PARD3: variants seen among roughly 807,000 people sequenced by gnomAD.
The protein encoded by PARD3 is par-3 family cell polarity regulator.
Under a neutral mutation model 155.4 loss-of-function variants are expected in PARD3, and 75 were observed. That is an observed-to-expected ratio of 0.48 (90% CI 0.40 to 0.58). The LOEUF (loss-of-function observed/expected upper bound fraction) is 0.58. Ranked by LOEUF, PARD3 falls within the 20% of genes least tolerant of loss-of-function variation. The probability of loss-of-function intolerance (pLI) is 0.00; values close to 1 mark genes in which losing one functional copy is unlikely to be tolerated. For synonymous variants in PARD3, 576 were observed against 610.5 expected (o/e 0.94, Z 0.83); for missense variants, 1,642 against 1,721.7 (o/e 0.95, Z 0.82).
chr10:34,802,907 C>T (rs186242515), intron 1 of PARD3, among the ~76,000 whole-genome samples: 1 of 151,982 alleles, frequency 6.6e-6, no homozygotes, highest in East Asian at 1.9e-4. Flanking sequence ...CAGACAACAA[C>T]CCCACAAAGC....
At chr10:34,414,584 G>A (rs916626365) in intron 5 of PARD3, among the ~76,000 whole-genome samples, 1 of 151,794 alleles carries the variant, frequency 6.6e-6, no homozygotes, top group African/African-American at 2.4e-5. Context: ...GGGAGGCCAA[G>A]ATGGGCCAAT....
chr10:34,210,434 C>T (rs1448732697), intron 22 of PARD3, among the ~76,000 whole-genome samples: 4 of 152,076 alleles, frequency 2.6e-5, no homozygotes, highest in East Asian at 1.9e-4. Context: ...GGCAGAGTGG[C>T]GATGGGGAGT....
chr10:34,622,835 T>A (rs562833647), intron 2 of PARD3, among the ~76,000 whole-genome samples: 1 of 147,532 alleles, frequency 6.8e-6, no homozygotes. Flanking sequence ...TTCTTTTTTT[T>A]TTTTTTTTTT....
chr10:34,289,038 C>T (rs1237997096), intron 20 of PARD3, among the ~76,000 whole-genome samples: 2 of 152,148 alleles, frequency 1.3e-5, no homozygotes, highest in Non-Finnish European at 2.9e-5. Flanking sequence ...CCAATCTCAG[C>T]TCACTGCAAC....
chr10:34,715,670 A>C (rs1390123386), intron 1 of PARD3, among the ~76,000 whole-genome samples: 1 of 152,190 alleles, frequency 6.6e-6, no homozygotes, highest in South Asian at 2.1e-4. Flanking sequence ...TGCATGTTTT[A>C]CCGTTTATCA....
intron 2 of PARD3, among the ~76,000 whole-genome samples, chr10:34,662,035 G>A (rs996984185): frequency 2.6e-5 from 4 of 152,190 alleles, no homozygotes; most frequent in African/African-American, 4.8e-5. Flanking sequence ...AGGCCTAACC[G>A]TGAAGGCTAC....
intron 20 of PARD3, among the ~76,000 whole-genome samples, chr10:34,288,206 G>A (rs544141475): frequency 3.3e-5 from 5 of 151,984 alleles, no homozygotes; most frequent in Non-Finnish European, 7.4e-5. Flanking sequence ...GTAAGACCTT[G>A]TCTCAAAAAA....
chr10:34,695,541 T>C (rs565830822), intron 2 of PARD3, among the ~76,000 whole-genome samples: 1 of 151,034 alleles, frequency 6.6e-6, no homozygotes, highest in Admixed American at 6.6e-5. Flanking sequence ...CTGTCACGCA[T>C]TCTCAAAACG....
chr10:34,524,595 T>C (rs1356319925), intron 2 of PARD3, among the ~76,000 whole-genome samples: 1 of 152,236 alleles, frequency 6.6e-6, no homozygotes, highest in East Asian at 1.9e-4. Flanking sequence ...CGTATAGCCA[T>C]CAGCTAACTG....
chr10:34,575,126 TA>T (rs1388388756), intron 2 of PARD3, among the ~76,000 whole-genome samples: 1 of 152,116 alleles, frequency 6.6e-6, no homozygotes, highest in East Asian at 1.9e-4. Context: ...ATTACAAACA[TA>T]AGCCATCATG....
At chr10:34,768,370 C>T (rs1328863691) in intron 1 of PARD3, among the ~76,000 whole-genome samples, 6 of 131,646 alleles carry the variant, frequency 4.6e-5, no homozygotes, top group Non-Finnish European at 6.7e-5. Context: ...GAAGCAAAGG[C>T]GGGACAACTC....
intron 12 of PARD3, among the ~76,000 whole-genome samples, chr10:34,365,625 G>A (rs1484929245): frequency 6.6e-6 from 1 of 152,178 alleles, no homozygotes; most frequent in Non-Finnish European, 1.5e-5. Flanking sequence ...GTCTCGCTCT[G>A]TTGCCCAGGC....
chr10:34,326,617 T>C (rs995154018), intron 19 of PARD3, among the ~76,000 whole-genome samples: 3 of 152,208 alleles, frequency 2.0e-5, no homozygotes, highest in Non-Finnish European at 4.4e-5. Flanking sequence ...TAGAAGTGGG[T>C]AGAATACTGA....
At chr10:34,645,505 C>T (rs1266456803) in intron 2 of PARD3, among the ~76,000 whole-genome samples, 5 of 152,144 alleles carry the variant, frequency 3.3e-5, no homozygotes, top group Non-Finnish European at 1.5e-5. Context: ...TGTGCCTGGC[C>T]AAGACTACAT....
At chr10:34,676,046 G>C (rs967414121) in intron 2 of PARD3, 2 of 152,694 alleles carry the variant, frequency 1.3e-5, no homozygotes, top group African/African-American at 4.8e-5. Context: ...AGCCACCAAG[G>C]CAGGCCACAG....
At chr10:34,355,419 C>A (rs1382177325) in intron 14 of PARD3, among the ~76,000 whole-genome samples, 15 of 152,138 alleles carry the variant, frequency 9.9e-5, no homozygotes. Context: ...AAGGGTGACC[C>A]CAGATCTCTG....
chr10:34,750,438 G>A (rs1835852908), intron 1 of PARD3, among the ~76,000 whole-genome samples: 1 of 144,924 alleles, frequency 6.9e-6, no homozygotes, highest in Non-Finnish European at 1.5e-5. Context: ...TACCATTACA[G>A]TTACATCCTC....
intron 22 of PARD3, among the ~76,000 whole-genome samples, chr10:34,170,640 T>A (rs1412497953): frequency 6.6e-6 from 1 of 152,182 alleles, no homozygotes; most frequent in African/African-American, 2.4e-5. Context: ...GACACTGGGT[T>A]GATCCTAGAA....
At chr10:34,622,161 T>C (rs1043574343) in intron 2 of PARD3, among the ~76,000 whole-genome samples, 26 of 152,156 alleles carry the variant, frequency 1.7e-4, no homozygotes, top group African/African-American at 5.8e-4. Context: ...ATATTACACA[T>C]CTATTAGAAA....
Sources: allele counts gnomAD v4.1 joint callset (sites outside exome capture counted in the v4.1 genomes callset), GRCh38; gene constraint gnomAD v4.1.1; transcripts MANE v1.5; gene names NCBI Gene and HGNC (gene_info 2026-07-23, HGNC 2026-07-21).